Variants in SI observed in about 807,000 individuals in gnomAD.
The protein encoded by SI is sucrase-isomaltase, intestinal.
A neutral mutation model predicts 253.3 loss-of-function variants in SI; 235 were observed. The ratio of observed to expected loss-of-function variants is 0.93; its 90% confidence interval spans 0.83 to 1.03. SI has a LOEUF of 1.03. SI is among the 50% of genes least tolerant of loss of function. The probability of loss-of-function intolerance (pLI) is 0.00; values close to 1 mark genes in which losing one functional copy is unlikely to be tolerated. For missense variants in SI, 2,442 were observed against 2,211.1 expected (o/e 1.10, Z -2.09); for synonymous variants, 819 against 712.0 (o/e 1.15, Z -2.39).
chr3:165,034,689 T>C (rs187226257), intron 22 of SI, among the ~76,000 whole-genome samples: 101 of 152,158 alleles, frequency 6.6e-4, no homozygotes, highest in Middle Eastern at 6.8e-3. Context: ...TTTGTGTGTG[T>C]GTGGGTGCGT....
chr3:165,067,790 AT>A (rs1027596549), intron 5 of SI, among the ~76,000 whole-genome samples: 1 of 151,958 alleles, frequency 6.6e-6, no homozygotes, highest in African/African-American at 2.4e-5. Context: ...ATTACAGAAT[AT>A]TAGACCTTTG....
intron 1 of SI, among the ~76,000 whole-genome samples, chr3:165,077,889 C>T (rs913929384): frequency 6.6e-6 from 1 of 151,442 alleles, no homozygotes; most frequent in Non-Finnish European, 1.5e-5. Flanking sequence ...AATATGATCC[C>T]TGTAATTTTG....
chr3:165,037,209 G>T (rs1277057805), intron 21 of SI, among the ~76,000 whole-genome samples: 1 of 151,656 alleles, frequency 6.6e-6, no homozygotes, highest in Non-Finnish European at 1.5e-5. Context: ...TACAAGAAAA[G>T]AATAAATAAT....
intron 34 of SI, 26 bp from the exon 35 acceptor site, chr3:165,009,421 A>G: frequency 7.9e-7 from 1 of 1,266,224 alleles, no homozygotes; most frequent in South Asian, 1.2e-5. Flanking sequence ...TTAGGCTCAC[A>G]TGTGGAAAGT....
At chr3:164,996,477 T>C (rs1040089426) in intron 40 of SI, 58 bp downstream of exon 40, 4 of 940,432 alleles carry the variant, frequency 4.3e-6, no homozygotes, top group African/African-American at 3.2e-5. Flanking sequence ...TACACTAAAG[T>C]ATAATGAAGC....
At chr3:165,006,357 G>A (rs556503997) in intron 37 of SI, among the ~76,000 whole-genome samples, 4 of 152,116 alleles carry the variant, frequency 2.6e-5, no homozygotes, top group East Asian at 1.9e-4. Context: ...TGATCCGCCC[G>A]CCTCAGCCTC....
intron 3 of SI, among the ~76,000 whole-genome samples, chr3:165,069,489 A>C (rs1047697340): frequency 2.0e-5 from 3 of 152,060 alleles, no homozygotes; most frequent in East Asian, 1.9e-4. Flanking sequence ...TCTCTAAGTA[A>C]TTATAATTTA....
the SI span, among the ~76,000 whole-genome samples, chr3:165,086,963 A>T: frequency 6.6e-6 from 1 of 152,256 alleles, no homozygotes; most frequent in African/African-American, 2.4e-5. Flanking sequence ...CCCTTATGAG[A>T]CAGTTTCAGT....
upstream of SI, among the ~76,000 whole-genome samples, chr3:165,082,740 A>T (rs1576935547): frequency 6.6e-6 from 1 of 152,010 alleles, no homozygotes; most frequent in Non-Finnish European, 1.5e-5. Flanking sequence ...TTTTATATAC[A>T]GTAGAATATA....
intron 4 of SI, 25 bp downstream of exon 4, chr3:165,069,053 A>G (rs1423436365): frequency 6.9e-7 from 1 of 1,443,210 alleles, no homozygotes; most frequent in South Asian, 1.1e-5. Context: ...ATCATATTGA[A>G]TCATTATAAC....
intron 37 of SI, among the ~76,000 whole-genome samples, chr3:164,999,402 C>G (rs766253587): frequency 2.6e-5 from 4 of 151,686 alleles, no homozygotes; most frequent in East Asian, 1.9e-4. Flanking sequence ...CTGCCTTTCT[C>G]TCTGACTGAA....
chr3:164,994,299 A>G lies in SI; in HGVS notation c.4799T>C (p.Ile1600Thr), dbSNP rs1259902988. Residue 1600 changes from isoleucine to threonine, a missense_variant, in exon 41 of 48, where the codon ATT becomes ACT. Coordinates refer to ENST00000264382, the MANE Select transcript of SI (RefSeq NM_001041.4). Reference sequence around the variant, plus strand: ...GATAACAGTGCCACCATTAGCATGAATTTCATGCATTTGTGTGTAAAAATA... The same window carrying G: ...GATAACAGTGCCACCATTAGCATGAGTTTCATGCATTTGTGTGTAAAAATA... ...LPYFYTQMHE[I>T]HANGGTVIRP... 1.2e-6 allele frequency: 2 copies of G among 1,611,170 alleles called. No individual in the cohort carries two copies. Among genetic ancestry groups the G allele is most frequent in the Non-Finnish European group, 1.7e-6 (2 of 1,178,094 alleles).
intron 44 of SI, among the ~76,000 whole-genome samples, chr3:164,989,409 A>C (rs1717614325): frequency 6.7e-6 from 1 of 148,532 alleles, no homozygotes; most frequent in Non-Finnish European, 1.5e-5. Flanking sequence ...AGAAAGAAAG[A>C]AAGAAAGAAA....
At chr3:165,061,632 A>C (rs1455503082) in intron 9 of SI, among the ~76,000 whole-genome samples, 1 of 152,036 alleles carries the variant, frequency 6.6e-6, no homozygotes, top group African/African-American at 2.4e-5. Context: ...AAATAGGCAT[A>C]ATCTTAAAAT....
At chr3:165,049,645 T>A (rs1185649963) in intron 14 of SI, 146 bp downstream of exon 14, 1 of 616,682 alleles carries the variant, frequency 1.6e-6, no homozygotes, top group Non-Finnish European at 2.9e-6. Context: ...AGAAAATATT[T>A]GTCTGAAGAA....
chr3:165,055,101 T>G, intron 13 of SI, 93 bp downstream of exon 13: 1 of 781,894 alleles, frequency 1.3e-6, no homozygotes, highest in Admixed American at 1.9e-5. Context: ...ATTGAATACA[T>G]CAGAAAAAAA....
At chr3:164,985,011 TAAC>T (rs1717369465) in intron 45 of SI, among the ~76,000 whole-genome samples, 1 of 152,136 alleles carries the variant, frequency 6.6e-6, no homozygotes, top group South Asian at 2.1e-4. Flanking sequence ...TTGTGAAACA[TAAC>T]AAAATAAGTA....
chr3:165,071,990 T>C (rs749059389), intron 3 of SI, among the ~76,000 whole-genome samples: 19 of 152,152 alleles, frequency 1.2e-4, no homozygotes, highest in Non-Finnish European at 2.5e-4. Flanking sequence ...TTGATTATTC[T>C]ATATTTTGTC....
At chr3:165,002,984 T>A (rs1431967819) in intron 37 of SI, among the ~76,000 whole-genome samples, 1 of 151,836 alleles carries the variant, frequency 6.6e-6, no homozygotes, top group Non-Finnish European at 1.5e-5. Context: ...ATTGTGCTGA[T>A]TTCCTCCTCA....
Sources: allele counts gnomAD v4.1 joint callset (sites outside exome capture counted in the v4.1 genomes callset), GRCh38; gene constraint gnomAD v4.1.1; transcripts MANE v1.5; gene names NCBI Gene and HGNC (gene_info 2026-07-23, HGNC 2026-07-21).